Variants in CAST observed in about 807,000 individuals in gnomAD.
The protein encoded by CAST is MIR583 host.
Under a neutral mutation model 119.6 loss-of-function variants are expected in CAST, and 76 were observed. That is an observed-to-expected ratio of 0.64 (90% CI 0.53 to 0.77). The LOEUF (loss-of-function observed/expected upper bound fraction) is 0.77, where lower values mean the gene tolerates loss of function less well. Ranked by LOEUF, CAST falls within the 30% of genes least tolerant of loss-of-function variation. CAST has a pLI of 0.00. For synonymous variants in CAST, 319 were observed against 331.6 expected (o/e 0.96, Z 0.41); for missense variants, 953 against 946.5 (o/e 1.01, Z -0.09).
At chr5:96,716,519 C>T (rs892626999) in intron 3 of CAST, among the ~76,000 whole-genome samples, 5 of 152,090 alleles carry the variant, frequency 3.3e-5, no homozygotes, top group Non-Finnish European at 7.4e-5. Context: ...GTTAAGGCTC[C>T]GGGGATGGGG....
chr5:96,348,312 T>A, the CAST span, among the ~76,000 whole-genome samples: 1 of 152,170 alleles, frequency 6.6e-6, no homozygotes, highest in Admixed American at 6.6e-5. Flanking sequence ...TTTATTCTAC[T>A]CTTTGTTTTG....
chr5:96,554,185 T>C (rs1209854440), intron 1 of CAST, among the ~76,000 whole-genome samples: 1 of 152,210 alleles, frequency 6.6e-6, no homozygotes, highest in African/African-American at 2.4e-5. Flanking sequence ...CAAAACAGCA[T>C]GGTACTGGTA....
At chr5:96,588,326 C>T (rs973922991) in intron 1 of CAST, among the ~76,000 whole-genome samples, 8 of 150,780 alleles carry the variant, frequency 5.3e-5, no homozygotes, top group African/African-American at 1.7e-4. Context: ...CTCAGCCTCC[C>T]GAGTAGCTGG....
At chr5:96,526,040 C>T (rs1434557532), upstream of CAST, among the ~76,000 whole-genome samples, 1 of 147,628 alleles carries the variant, frequency 6.8e-6, no homozygotes, top group East Asian at 1.9e-4. Context: ...GTTGGTGATG[C>T]CTGCACTAGT....
At chr5:96,646,409 C>T (rs1162722386) in intron 1 of CAST, among the ~76,000 whole-genome samples, 1 of 152,146 alleles carries the variant, frequency 6.6e-6, no homozygotes, top group Admixed American at 6.5e-5. Context: ...TAGTATGAAG[C>T]AATTACATAA....
chr5:96,524,838 A>G (rs1039028214), upstream of CAST, among the ~76,000 whole-genome samples: 39 of 152,204 alleles, frequency 2.6e-4, no homozygotes, highest in African/African-American at 9.4e-4. Context: ...TTAAGCCCAC[A>G]TGTTGGTTAA....
At chr5:96,412,881 A>G in the CAST span, 2 of 751,384 alleles carry the variant, frequency 2.7e-6, no homozygotes, top group African/African-American at 4.0e-5. Context: ...GTCAATTACA[A>G]AATGTTTGCC....
chr5:95,991,125 C>A, the CAST span, among the ~76,000 whole-genome samples: 1 of 152,148 alleles, frequency 6.6e-6, no homozygotes, highest in Admixed American at 6.5e-5. Context: ...GAAAGATGCC[C>A]ACTTTGCCAC....
intron 1 of CAST, among the ~76,000 whole-genome samples, chr5:96,644,212 T>TA (rs1215177923): frequency 1.3e-5 from 2 of 152,174 alleles, no homozygotes; most frequent in African/African-American, 4.8e-5. Context: ...AACCATTATT[T>TA]AAAAAAATAC....
the CAST span, among the ~76,000 whole-genome samples, chr5:96,456,411 C>A: frequency 6.6e-6 from 1 of 152,258 alleles, no homozygotes; most frequent in African/African-American, 2.4e-5. Context: ...GAGGCAAAAT[C>A]TCTTACATGT....
chr5:96,074,041 T>G, the CAST span, among the ~76,000 whole-genome samples: 1 of 152,144 alleles, frequency 6.6e-6, no homozygotes, highest in Non-Finnish European at 1.5e-5. Context: ...ACATTCTCTG[T>G]GAGTTGTTTG....
At chr5:96,541,245 G>T (rs1270554300) in intron 1 of CAST, among the ~76,000 whole-genome samples, 2 of 151,274 alleles carry the variant, frequency 1.3e-5, no homozygotes, top group Non-Finnish European at 2.9e-5. Context: ...TTTATTTTTT[G>T]CTCAAATTGT....
At chr5:96,307,422 C>G in the CAST span, among the ~76,000 whole-genome samples, 4 of 152,178 alleles carry the variant, frequency 2.6e-5, no homozygotes, top group Admixed American at 2.0e-4. Flanking sequence ...TCATCTGTGT[C>G]TTTTAATTGG....
the CAST span, among the ~76,000 whole-genome samples, chr5:96,436,684 T>C: frequency 6.6e-6 from 1 of 152,122 alleles, no homozygotes; most frequent in Non-Finnish European, 1.5e-5. Flanking sequence ...ACAGGTCAAG[T>C]ATGACAAAAT....
At chr5:96,261,230 G>A in the CAST span, among the ~76,000 whole-genome samples, 3 of 152,204 alleles carry the variant, frequency 2.0e-5, no homozygotes, top group Non-Finnish European at 2.9e-5. Flanking sequence ...TGATGAAAAT[G>A]TTGTATTATC....
the CAST span, among the ~76,000 whole-genome samples, chr5:96,475,407 CATAA>C: frequency 3.3e-5 from 5 of 152,300 alleles, no homozygotes; most frequent in African/African-American, 1.2e-4. Context: ...TTCAAAGAGA[CATAA>C]ATAATGACAA....
the CAST span, among the ~76,000 whole-genome samples, chr5:96,491,032 GAA>G: frequency 6.6e-6 from 1 of 151,702 alleles, no homozygotes; most frequent in African/African-American, 2.4e-5. Flanking sequence ...AATCAATAAG[GAA>G]AAGACACACA....
chr5:96,471,184 C>T, the CAST span, among the ~76,000 whole-genome samples: 1 of 152,010 alleles, frequency 6.6e-6, no homozygotes, highest in African/African-American at 2.4e-5. Flanking sequence ...GAATCAATAG[C>T]TCCCAGACTC....
chr5:96,423,541 C>A, the CAST span: 1 of 1,264,128 alleles, frequency 7.9e-7, no homozygotes, highest in African/African-American at 1.5e-5. Flanking sequence ...AACCTGGAGA[C>A]CCATCTTTCT....
Sources: allele counts gnomAD v4.1 joint callset (sites outside exome capture counted in the v4.1 genomes callset), GRCh38; gene constraint gnomAD v4.1.1; transcripts MANE v1.5; gene names NCBI Gene and HGNC (gene_info 2026-07-23, HGNC 2026-07-21).